Variants in CYRIA observed in about 807,000 individuals in gnomAD.
CYRIA encodes CYFIP-related Rac1 interactor A.
Under a neutral mutation model 43.9 loss-of-function variants are expected in CYRIA, and 15 were observed. The ratio of observed to expected loss-of-function variants is 0.34; its 90% CI spans 0.23 to 0.53. The LOEUF (loss-of-function observed/expected upper bound fraction) is 0.53, where lower values mean the gene tolerates loss of function less well. Ranked by LOEUF, CYRIA falls within the 20% of genes least tolerant of loss-of-function variation. The probability of loss-of-function intolerance (pLI) is 0.94; values close to 1 mark genes in which losing one functional copy is unlikely to be tolerated. For missense variants in CYRIA, 236 were observed against 394.2 expected (o/e 0.60, Z 3.40); for synonymous variants, 117 against 136.0 (o/e 0.86, Z 0.97).
At chr2:16,604,132 T>C (rs984986483) in intron 2 of CYRIA, among the ~76,000 whole-genome samples, 4 of 152,190 alleles carry the variant, frequency 2.6e-5, no homozygotes, top group African/African-American at 7.2e-5. Flanking sequence ...AAGTCTGACC[T>C]TCTAGCTACT....
chr2:16,611,658 G>C (rs1168128973), intron 2 of CYRIA, among the ~76,000 whole-genome samples: 1 of 152,072 alleles, frequency 6.6e-6, no homozygotes, highest in Non-Finnish European at 1.5e-5. Context: ...GGAGGAGAGG[G>C]AGAAACTCCC....
chr2:16,626,120 C>A (rs1669155337), intron 1 of CYRIA, among the ~76,000 whole-genome samples: 1 of 152,124 alleles, frequency 6.6e-6, no homozygotes, highest in South Asian at 2.1e-4. Flanking sequence ...GTAACTTGAA[C>A]AACCACACAC....
At chr2:16,626,340 G>C (rs1363842114) in intron 1 of CYRIA, among the ~76,000 whole-genome samples, 1 of 152,082 alleles carries the variant, frequency 6.6e-6, no homozygotes, top group Non-Finnish European at 1.5e-5. Flanking sequence ...GCAGCGGTCA[G>C]GAAACTTGTA....
chr2:16,604,276 G>A (rs909610126), intron 2 of CYRIA, among the ~76,000 whole-genome samples: 3 of 152,234 alleles, frequency 2.0e-5, no homozygotes, highest in African/African-American at 7.2e-5. Context: ...TACCTTTCAA[G>A]CTTATCAGCA....
At chr2:16,584,023 C>CA (rs1332041246) in intron 3 of CYRIA, among the ~76,000 whole-genome samples, 3 of 152,152 alleles carry the variant, frequency 2.0e-5, no homozygotes, top group African/African-American at 4.8e-5. Context: ...ATTTAACACT[C>CA]AAAGTAGAGG....
chr2:16,615,279 C>T (rs1448938024), intron 2 of CYRIA, among the ~76,000 whole-genome samples: 1 of 152,146 alleles, frequency 6.6e-6, no homozygotes, highest in Non-Finnish European at 1.5e-5. Context: ...ATCTGAAGTC[C>T]CAGTGTCATA....
chr2:16,607,990 A>G (rs1348778136), intron 2 of CYRIA, among the ~76,000 whole-genome samples: 1 of 152,106 alleles, frequency 6.6e-6, no homozygotes, highest in African/African-American at 2.4e-5. Context: ...CCCAAACCCC[A>G]GGCATAAGTA....
intron 1 of CYRIA, among the ~76,000 whole-genome samples, chr2:16,639,227 G>A (rs1323451367): frequency 6.6e-6 from 1 of 152,136 alleles, no homozygotes; most frequent in Non-Finnish European, 1.5e-5. Context: ...ATCCAATAGC[G>A]GTAAGGAAGC....
chr2:16,603,389 T>G (rs938783663), intron 2 of CYRIA, among the ~76,000 whole-genome samples: 1 of 152,220 alleles, frequency 6.6e-6, no homozygotes, highest in African/African-American at 2.4e-5. Flanking sequence ...TAAATAATCT[T>G]AAAGACTTAG....
intron 1 of CYRIA, among the ~76,000 whole-genome samples, chr2:16,629,461 C>A (rs1669261162): frequency 6.6e-6 from 1 of 152,230 alleles, no homozygotes; most frequent in Admixed American, 6.5e-5. Context: ...CCCATCAATA[C>A]AGGTAAAGTG....
At chr2:16,576,418 C>T (rs551972110) in intron 3 of CYRIA, among the ~76,000 whole-genome samples, 37 of 152,138 alleles carry the variant, frequency 2.4e-4, no homozygotes, top group African/African-American at 4.8e-4. Context: ...TCAGGAACAA[C>T]GTAAGTGGAA....
At chr2:16,559,697 C>A in intron 9 of CYRIA, 111 bp from the exon 10 acceptor site, 1 of 1,237,468 alleles carries the variant, frequency 8.1e-7, no homozygotes, top group East Asian at 2.5e-5. Flanking sequence ...GGAACAATCC[C>A]AGACCTGCAA....
chr2:16,600,174 T>A (rs1668155077), intron 2 of CYRIA, among the ~76,000 whole-genome samples: 1 of 152,306 alleles, frequency 6.6e-6, no homozygotes, highest in Middle Eastern at 3.4e-3. Context: ...CATAAATACT[T>A]CTACTGAAAA....
At chr2:16,562,186 G>A (rs1367520748) in intron 5 of CYRIA, 45 bp from the exon 6 acceptor site, 6 of 1,575,794 alleles carry the variant, frequency 3.8e-6, no homozygotes, top group Non-Finnish European at 4.3e-6. Context: ...GTGGCCCACA[G>A]AGGTCCTTCA....
At chr2:16,559,705 C>A in intron 9 of CYRIA, 119 bp from the exon 10 acceptor site, 1 of 1,112,738 alleles carries the variant, frequency 9.0e-7, no homozygotes, top group South Asian at 1.9e-5. Context: ...CCCAGACCTG[C>A]AACAACCAGT....
chr2:16,556,571 C>T (rs139988380), intron 10 of CYRIA, among the ~76,000 whole-genome samples: 3 of 152,240 alleles, frequency 2.0e-5, no homozygotes, highest in Admixed American at 6.5e-5. Context: ...AAGATGCTGT[C>T]AAGGATGCAG....
intron 1 of CYRIA, among the ~76,000 whole-genome samples, chr2:16,641,379 C>T (rs893007854): frequency 1.3e-5 from 2 of 152,276 alleles, no homozygotes. Context: ...GCCCTTACTC[C>T]TATATGCCCC....
At chr2:16,602,187 T>A (rs932913200) in intron 2 of CYRIA, among the ~76,000 whole-genome samples, 1 of 152,212 alleles carries the variant, frequency 6.6e-6, no homozygotes, top group Non-Finnish European at 1.5e-5. Flanking sequence ...ATAATACTCA[T>A]CTCTAACAGA....
At chr2:16,630,355 G>A (rs1406602675) in intron 1 of CYRIA, among the ~76,000 whole-genome samples, 2 of 152,264 alleles carry the variant, frequency 1.3e-5, no homozygotes, top group South Asian at 2.1e-4. Flanking sequence ...CCTCAGAGGT[G>A]GTGTTTATGA....
Sources: allele counts gnomAD v4.1 joint callset (sites outside exome capture counted in the v4.1 genomes callset), GRCh38; gene constraint gnomAD v4.1.1; transcripts MANE v1.5; gene names NCBI Gene and HGNC (gene_info 2026-07-23, HGNC 2026-07-21).